Variants in RIMS2 observed in about 807,000 individuals in gnomAD.
The protein encoded by RIMS2 is regulating synaptic membrane exocytosis 2.
Under a neutral mutation model 174.4 loss-of-function variants are expected in RIMS2, and 59 were observed. The observed-to-expected ratio is 0.34, with a 90% CI of 0.27 to 0.42. RIMS2 has a LOEUF of 0.42. Ranked by LOEUF, RIMS2 falls within the 10% of genes least tolerant of loss-of-function variation. RIMS2 has a pLI of 1.00. For missense variants in RIMS2, 1,620 were observed against 1,666.3 expected (o/e 0.97, Z 0.48); for synonymous variants, 606 against 572.5 (o/e 1.06, Z -0.84).
At chr8:103,601,549 A>G (rs2094739991) in intron 1 of RIMS2, among the ~76,000 whole-genome samples, 1 of 152,034 alleles carries the variant, frequency 6.6e-6, no homozygotes, top group Non-Finnish European at 1.5e-5. Context: ...TTTTCAGTCT[A>G]TATGCATATA....
intron 1 of RIMS2, among the ~76,000 whole-genome samples, chr8:103,562,935 G>C (rs951668593): frequency 6.6e-6 from 1 of 152,170 alleles, no homozygotes; most frequent in African/African-American, 2.4e-5. Context: ...TGAAGCAACA[G>C]CCTGAGCCGT....
chr8:103,524,943 T>C (rs1053679575), intron 1 of RIMS2, among the ~76,000 whole-genome samples: 10 of 152,200 alleles, frequency 6.6e-5, no homozygotes, highest in African/African-American at 2.4e-4. Context: ...TGATCTACCT[T>C]CTTCTGTCAT....
At chr8:103,932,530 T>G (rs2080204892) in intron 12 of RIMS2, among the ~76,000 whole-genome samples, 1 of 152,192 alleles carries the variant, frequency 6.6e-6, no homozygotes, top group South Asian at 2.1e-4. Flanking sequence ...TTTTAACAAT[T>G]TAGGTTGTCT....
intron 1 of RIMS2, among the ~76,000 whole-genome samples, chr8:103,689,395 T>G (rs1004410110): frequency 1.3e-5 from 2 of 152,102 alleles, no homozygotes; most frequent in African/African-American, 4.8e-5. Flanking sequence ...GCAGATTAAG[T>G]CTGATGTTTC....
At chr8:104,051,744 ATC>A (rs2096790816) in intron 19 of RIMS2, among the ~76,000 whole-genome samples, 1 of 152,216 alleles carries the variant, frequency 6.6e-6, no homozygotes, top group African/African-American at 2.4e-5. Flanking sequence ...GGGCACGTCA[ATC>A]TCTGCCACCT....
chr8:103,550,101 C>A (rs998997768), intron 1 of RIMS2, among the ~76,000 whole-genome samples: 2 of 152,168 alleles, frequency 1.3e-5, no homozygotes, highest in Non-Finnish European at 1.5e-5. Context: ...CTGCACCAAG[C>A]AGACCTAATA....
At chr8:103,922,044 A>G in intron 10 of RIMS2, 1 of 232,068 alleles carries the variant, frequency 4.3e-6, no homozygotes, top group South Asian at 7.2e-5. Context: ...AGTAATTATA[A>G]CAAAATTCAA....
At chr8:103,633,192 A>ATTTTTTTTT (rs150376641) in intron 1 of RIMS2, among the ~76,000 whole-genome samples, 9 of 134,916 alleles carry the variant, frequency 6.7e-5, no homozygotes, top group East Asian at 4.3e-4. Flanking sequence ...ACGCCCGGCT[A>ATTTTTTTTT]TTTTTTTTTT....
intron 4 of RIMS2, among the ~76,000 whole-genome samples, chr8:103,900,678 A>T (rs985647091): frequency 4.6e-5 from 7 of 152,130 alleles, no homozygotes; most frequent in African/African-American, 1.7e-4. Context: ...AACTAGGTAC[A>T]TTGTGTCCAA....
chr8:103,825,404 T>C (rs1446612843), intron 3 of RIMS2, among the ~76,000 whole-genome samples: 2 of 151,704 alleles, frequency 1.3e-5, no homozygotes, highest in African/African-American at 2.4e-5. Context: ...TTCAGCCTTC[T>C]GAGAAGCTAG....
At chr8:104,143,881 T>C (rs12550391) in intron 19 of RIMS2, among the ~76,000 whole-genome samples, 3,021 of 152,320 alleles carry the variant, frequency 0.02, 146 homozygotes, top group East Asian at 0.15. Context: ...ATGAAATATT[T>C]GTTTTGGCAT....
chr8:103,730,174 G>T (rs1229619755), intron 2 of RIMS2, among the ~76,000 whole-genome samples: 1 of 152,112 alleles, frequency 6.6e-6, no homozygotes, highest in Non-Finnish European at 1.5e-5. Flanking sequence ...TCATTGTATT[G>T]TCCGTGGGTG....
At chr8:103,951,152 T>A (rs2085248720) in intron 14 of RIMS2, among the ~76,000 whole-genome samples, 1 of 152,234 alleles carries the variant, frequency 6.6e-6, no homozygotes, top group Admixed American at 6.5e-5. Flanking sequence ...AGAAGTGGCT[T>A]TCAATAACAT....
At chr8:103,729,845 A>C (rs1283295433) in intron 2 of RIMS2, among the ~76,000 whole-genome samples, 1 of 152,152 alleles carries the variant, frequency 6.6e-6, no homozygotes, top group Non-Finnish European at 1.5e-5. Flanking sequence ...ATGTGCTCAC[A>C]TGGTTTGTAA....
At chr8:103,543,755 C>G (rs1333743808) in intron 1 of RIMS2, among the ~76,000 whole-genome samples, 1 of 152,168 alleles carries the variant, frequency 6.6e-6, no homozygotes, top group African/African-American at 2.4e-5. Context: ...AAAGGGCAAT[C>G]TCTTCAATAA....
At chr8:103,752,614 A>T (rs556449012) in intron 2 of RIMS2, among the ~76,000 whole-genome samples, 2 of 152,168 alleles carry the variant, frequency 1.3e-5, no homozygotes, top group African/African-American at 2.4e-5. Flanking sequence ...TTCATTGAGC[A>T]GTGGTTTGTA....
intron 2 of RIMS2, among the ~76,000 whole-genome samples, chr8:103,761,823 A>G (rs984676713): frequency 6.6e-6 from 1 of 152,196 alleles, no homozygotes; most frequent in Admixed American, 6.5e-5. Context: ...GGTTAGAGGT[A>G]GAGTCTAGTG....
At chr8:104,207,154 G>A (rs571379993) in intron 19 of RIMS2, among the ~76,000 whole-genome samples, 11 of 152,196 alleles carry the variant, frequency 7.2e-5, no homozygotes, top group South Asian at 4.1e-4. Flanking sequence ...TATGTATGGA[G>A]GTTCATAATA....
At chr8:103,574,674 G>C (rs1309064552) in intron 1 of RIMS2, among the ~76,000 whole-genome samples, 1 of 152,108 alleles carries the variant, frequency 6.6e-6, no homozygotes, top group Non-Finnish European at 1.5e-5. Flanking sequence ...CGTTGTTTCA[G>C]TGTTACGAGT....
Sources: gnomAD v4.1 joint callset for allele counts (sites outside exome capture counted in the v4.1 genomes callset) on GRCh38, gnomAD v4.1.1 for gene constraint, MANE v1.5 for transcripts, NCBI Gene and HGNC (gene_info 2026-07-23, HGNC 2026-07-21) for gene names.